Variants in PDE10A observed in about 807,000 individuals in gnomAD.
PDE10A encodes phosphodiesterase 10A, also known as cAMP and cAMP-inhibited cGMP 3',5'-cyclic phosphodiesterase 10A.
PDE10A carries 39 observed loss-of-function variants against 97.7 expected under a neutral mutation model. The observed-to-expected ratio is 0.40, with a 90% CI of 0.31 to 0.52. PDE10A has a LOEUF of 0.52. PDE10A is among the 20% of genes least tolerant of loss of function. The pLI is 0.56. For synonymous variants in PDE10A, 371 were observed against 376.8 expected (o/e 0.98, Z 0.18); for missense variants, 731 against 1,047.8 (o/e 0.70, Z 4.17).
chr6:165,386,517 T>G (rs1051542511), intron 17 of PDE10A, among the ~76,000 whole-genome samples: 1 of 152,186 alleles, frequency 6.6e-6, no homozygotes, highest in African/African-American at 2.4e-5. Flanking sequence ...AGTGAAGTCA[T>G]CCTGATGTTG....
chr6:165,620,419 C>A (rs183274068), intron 1 of PDE10A, among the ~76,000 whole-genome samples: 4 of 152,280 alleles, frequency 2.6e-5, no homozygotes, highest in Admixed American at 2.0e-4. Context: ...TTCCCACCAG[C>A]CTTGCACTTA....
chr6:165,511,343 T>C (rs1274472365), intron 2 of PDE10A, among the ~76,000 whole-genome samples: 3 of 152,054 alleles, frequency 2.0e-5, no homozygotes, highest in African/African-American at 7.2e-5. Context: ...CTAAAGTTTC[T>C]TTCTTTTATT....
At chr6:165,824,217 C>G (rs115914841) in intron 1 of PDE10A, among the ~76,000 whole-genome samples, 1 of 152,118 alleles carries the variant, frequency 6.6e-6, no homozygotes, top group Non-Finnish European at 1.5e-5. Flanking sequence ...TAATAGATTA[C>G]GTTCATTAAA....
At chr6:165,529,385 A>T (rs531081729) in intron 2 of PDE10A, among the ~76,000 whole-genome samples, 1 of 152,326 alleles carries the variant, frequency 6.6e-6, no homozygotes, top group South Asian at 2.1e-4. Context: ...AAACTACAAT[A>T]GCCCAATCCA....
intron 1 of PDE10A, among the ~76,000 whole-genome samples, chr6:165,759,760 G>A (rs554914037): frequency 3.3e-5 from 5 of 152,252 alleles, no homozygotes; most frequent in East Asian, 1.9e-4. Flanking sequence ...CAGTGAAAAC[G>A]TGGAAAACCC....
At chr6:165,941,159 G>T (rs1562808291) in intron 1 of PDE10A, among the ~76,000 whole-genome samples, 1 of 152,148 alleles carries the variant, frequency 6.6e-6, no homozygotes, top group African/African-American at 2.4e-5. Flanking sequence ...TTGAATAAAT[G>T]GGGTATAGTA....
intron 2 of PDE10A, among the ~76,000 whole-genome samples, chr6:165,507,284 G>C (rs748637464): frequency 2.0e-5 from 3 of 152,086 alleles, no homozygotes; most frequent in Non-Finnish European, 4.4e-5. Flanking sequence ...AGGCTAGCTA[G>C]AGTTCCGTTT....
At chr6:165,354,600 T>C (rs572769516) in intron 18 of PDE10A, among the ~76,000 whole-genome samples, 21 of 152,300 alleles carry the variant, frequency 1.4e-4, no homozygotes, top group African/African-American at 4.8e-4. Context: ...TGAGGTAAAG[T>C]GTCCATCTGC....
At chr6:165,621,036 G>C (rs1182468337) in intron 1 of PDE10A, among the ~76,000 whole-genome samples, 1 of 149,212 alleles carries the variant, frequency 6.7e-6, no homozygotes, top group Admixed American at 6.6e-5. Flanking sequence ...AAAAAAAAAG[G>C]AAGAAAGAAA....
At chr6:165,862,676 CTTTTTTTTTT>C (rs200141487) in intron 1 of PDE10A, among the ~76,000 whole-genome samples, 1 of 140,796 alleles carries the variant, frequency 7.1e-6, no homozygotes, top group Admixed American at 7.1e-5. Flanking sequence ...AGCAGTCGTC[CTTTTTTTTTT>C]TTTTTTTTTT....
chr6:165,869,518 T>C (rs1008190813), intron 1 of PDE10A, among the ~76,000 whole-genome samples: 8 of 152,166 alleles, frequency 5.3e-5, no homozygotes, highest in African/African-American at 1.9e-4. Flanking sequence ...ATGACTGTAC[T>C]ACTCAAAGCA....
intron 2 of PDE10A, among the ~76,000 whole-genome samples, chr6:165,502,600 G>A (rs970851467): frequency 9.9e-5 from 15 of 152,184 alleles, no homozygotes; most frequent in African/African-American, 3.6e-4. Context: ...AGAATGTGAA[G>A]CAATGGTATT....
At chr6:165,890,928 TC>T (rs1421473813) in intron 1 of PDE10A, among the ~76,000 whole-genome samples, 1 of 152,208 alleles carries the variant, frequency 6.6e-6, no homozygotes, top group African/African-American at 2.4e-5. Flanking sequence ...TTTCTCATTA[TC>T]CCCTGCCCAG....
intron 1 of PDE10A, among the ~76,000 whole-genome samples, chr6:165,942,334 A>C (rs540990582): frequency 2.0e-5 from 3 of 151,650 alleles, no homozygotes; most frequent in African/African-American, 7.3e-5. Flanking sequence ...ACACACACAC[A>C]CCCCTTCACA....
intron 7 of PDE10A, among the ~76,000 whole-genome samples, chr6:165,432,496 A>G (rs1180874881): frequency 6.6e-6 from 1 of 152,192 alleles, no homozygotes; most frequent in Admixed American, 6.5e-5. Context: ...AGGCCACTGA[A>G]GGAAACTGGT....
chr6:165,411,762 AAGAT>A (rs1787859102), intron 13 of PDE10A, among the ~76,000 whole-genome samples: 2 of 152,242 alleles, frequency 1.3e-5, no homozygotes, highest in South Asian at 2.1e-4. Context: ...AGATTGGAGA[AAGAT>A]AGTATCTATT....
At chr6:165,551,241 G>C (rs1783999576) in intron 1 of PDE10A, among the ~76,000 whole-genome samples, 1 of 152,072 alleles carries the variant, frequency 6.6e-6, no homozygotes, top group African/African-American at 2.4e-5. Flanking sequence ...TTTAAAATCA[G>C]GTAAGTTTGC....
At chr6:165,571,243 C>T (rs560361078) in intron 1 of PDE10A, among the ~76,000 whole-genome samples, 2 of 152,328 alleles carry the variant, frequency 1.3e-5, no homozygotes, top group South Asian at 4.1e-4. Flanking sequence ...CCACATCTGT[C>T]CTCTGCCTTG....
intron 20 of PDE10A, among the ~76,000 whole-genome samples, chr6:165,338,438 A>G (rs1029395337): frequency 6.6e-6 from 1 of 152,216 alleles, no homozygotes; most frequent in Non-Finnish European, 1.5e-5. Context: ...TCTCAGAAAT[A>G]TATGACACCA....
Sources: allele counts gnomAD v4.1 joint callset (sites outside exome capture counted in the v4.1 genomes callset), GRCh38; gene constraint gnomAD v4.1.1; transcripts MANE v1.5; gene names NCBI Gene and HGNC (gene_info 2026-07-23, HGNC 2026-07-21).